The following ARID4B variants were observed in gnomAD, a reference collection of about 807,000 sequenced individuals.
The protein encoded by ARID4B is AT-rich interactive domain-containing protein 4B.
ARID4B carries 26 observed loss-of-function variants against 147.5 expected under a neutral mutation model. The observed-to-expected ratio is 0.18, with a 90% CI of 0.13 to 0.24. The LOEUF is 0.24. Ranked by LOEUF, ARID4B falls within the 10% of genes least tolerant of loss-of-function variation. The probability of loss-of-function intolerance (pLI) is 1.00; values close to 1 mark genes in which losing one functional copy is unlikely to be tolerated. For synonymous variants in ARID4B, 512 were observed against 507.9 expected (o/e 1.01, Z -0.11); for missense variants, 1,179 against 1,511.5 (o/e 0.78, Z 3.65).
chr1:235,327,133 G>A, intron 1 of ARID4B, 165 bp from the exon 2 acceptor site: 4 of 579,640 alleles, frequency 6.9e-6, no homozygotes, highest in South Asian at 4.0e-5. Flanking sequence ...CTCCGGCCCC[G>A]CCATCCCCGC....
rs2102904876 is a variant in ARID4B at position 235,175,175 on chromosome 1, G to A, written c.3664+9C>T. On this transcript the variant is annotated intron_variant, in intron 22 of 23. Coordinates refer to ENST00000264183, the MANE Select transcript of ARID4B (RefSeq NM_016374.6). ...GTTTGTATGCTTGTCAATTTAACAT[G>A]TCACTTACACATCTGAAAACTCCAT... 2 of 1,605,484 alleles carry A rather than the reference G, an allele frequency of 1.2e-6. No individual in the cohort carries two copies. The highest frequency in any genetic ancestry group is 4.5e-5 in the East Asian group (2 of 44,842).
At chr1:235,242,172 C>A (rs1159175535) in intron 7 of ARID4B, among the ~76,000 whole-genome samples, 1 of 151,232 alleles carries the variant, frequency 6.6e-6, no homozygotes, top group Non-Finnish European at 1.5e-5. Flanking sequence ...TGCCTGAACC[C>A]GGGAGGCGGA....
chr1:235,299,134 G>T (rs139173016), intron 2 of ARID4B, among the ~76,000 whole-genome samples: 2 of 152,170 alleles, frequency 1.3e-5, no homozygotes, highest in African/African-American at 2.4e-5. Context: ...ACTTTCTAGA[G>T]CCACCTTAAA....
At chr1:235,251,219 TAA>T (rs71172281) in intron 6 of ARID4B, among the ~76,000 whole-genome samples, 43,324 of 140,958 alleles carry the variant, frequency 0.31, 7,335 homozygotes, top group South Asian at 0.54. Flanking sequence ...TGAGAAAAGT[TAA>T]AAAAAAAAAA....
chr1:235,279,327 T>C (rs1276491154), intron 2 of ARID4B, among the ~76,000 whole-genome samples: 1 of 152,084 alleles, frequency 6.6e-6, no homozygotes, highest in Non-Finnish European at 1.5e-5. Context: ...CTGAACCACG[T>C]AGTATGAGGT....
Position 235,326,716 on chromosome 1 carries a change from GACA to G in ARID4B, c.6+195_6+197del, listed in dbSNP as rs550024832. 8.9e-4 allele frequency: 552 copies of G among 620,732 alleles called. 3 individuals carry two copies. The African/African-American group carries it at 9.4e-3, about 11-fold the overall frequency. 38.5% of individuals were successfully genotyped at this position (620,732 alleles called of 1,614,324 possible). A position where few individuals can be genotyped will look rare whatever the true frequency, so the allele number is the denominator to read the frequency against. Reference sequence around the variant, plus strand: ...ATATGGGAGAATCATCTTCAGTTGAGACATCCTATAACTGCCTCCAACTCCACA... The same window carrying G: ...ATATGGGAGAATCATCTTCAGTTGAGTCCTATAACTGCCTCCAACTCCACA... On this transcript the variant is annotated intron_variant, in intron 2 of 23. Coordinates refer to ENST00000264183, the MANE Select transcript of ARID4B (RefSeq NM_016374.6).
chr1:235,316,313 G>C (rs1674427339), intron 2 of ARID4B, among the ~76,000 whole-genome samples: 2 of 151,872 alleles, frequency 1.3e-5, no homozygotes, highest in Admixed American at 6.6e-5. Flanking sequence ...TTCGAGACCA[G>C]CCTGGCCAAC....
At position 235,326,906 on chromosome 1, in the gene ARID4B, A is replaced by G. The variant is rs1675314036; in HGVS notation, c.6+8T>C. On this transcript the variant is annotated splice_region_variant and intron_variant, in intron 2 of 23. Coordinates refer to ENST00000264183, the MANE Select transcript of ARID4B (RefSeq NM_016374.6). ...CCCCAGAGATTCGTTTTCCGCAGGC[A>G]ATCTTACCTTCATGATGACTCTGGG... 2 of 1,613,898 alleles carry G rather than the reference A, an allele frequency of 1.2e-6. No individual in the cohort carries two copies. Among genetic ancestry groups the G allele is most frequent in the East Asian group, 4.5e-5 (2 of 44,890 alleles).
chr1:235,316,234 G>A (rs1433551191), intron 2 of ARID4B, among the ~76,000 whole-genome samples: 2 of 152,166 alleles, frequency 1.3e-5, no homozygotes, highest in Non-Finnish European at 2.9e-5. Context: ...TAAGTGGGGT[G>A]CAGTGGCTCA....
chr1:235,171,086 TCACTA>T (rs1470803532), intron 23 of ARID4B, among the ~76,000 whole-genome samples: 3 of 152,202 alleles, frequency 2.0e-5, no homozygotes, highest in African/African-American at 4.8e-5. Context: ...CTTATATATT[TCACTA>T]CACTGTTCCT....
At chr1:235,264,500 C>T (rs371656980) in intron 2 of ARID4B, among the ~76,000 whole-genome samples, 139 of 152,244 alleles carry the variant, frequency 9.1e-4, no homozygotes, top group African/African-American at 3.2e-3. Flanking sequence ...AGCAGAGAGG[C>T]AAGGTCCTAA....
chr1:235,296,819 A>G (rs58753452), intron 2 of ARID4B, among the ~76,000 whole-genome samples: 10 of 1,004 alleles, frequency 1.0e-2, no homozygotes, highest in African/African-American at 0.027. Context: ...GGAAGGAAGG[A>G]AGGAAGGAAG....
chr1:235,325,183 T>G (rs2103319138), intron 2 of ARID4B, among the ~76,000 whole-genome samples: 1 of 152,286 alleles, frequency 6.6e-6, no homozygotes, highest in South Asian at 2.1e-4. Context: ...AAATTTATTT[T>G]AGTAACTTTT....
chr1:235,167,708 A>G lies in ARID4B; in HGVS notation c.*817T>C, dbSNP rs1356332811. ...AAGAAAACACAAAAATATAACTGTT[A>G]TAATTCATTATGAATAAATATACAC... On this transcript the variant is annotated 3_prime_UTR_variant, in exon 24 of 24. Coordinates refer to ENST00000264183, the MANE Select transcript of ARID4B (RefSeq NM_016374.6). The G allele has an allele frequency of 5.0e-6, 1 of 199,386 alleles. No individual in the cohort carries two copies. The highest frequency in any genetic ancestry group is 2.3e-5 in the African/African-American group (1 of 43,470). The allele number at this position is 199,386 out of a possible 1,614,324, so 12.4% of individuals were successfully genotyped here. A position where few individuals can be genotyped will look rare whatever the true frequency, so the allele number is the denominator to read the frequency against.
intron 2 of ARID4B, among the ~76,000 whole-genome samples, chr1:235,307,804 A>G (rs1673686334): frequency 6.6e-6 from 1 of 152,140 alleles, no homozygotes; most frequent in Non-Finnish European, 1.5e-5. Flanking sequence ...GCTTTGTACA[A>G]AGCCTCTAAT....
intron 2 of ARID4B, among the ~76,000 whole-genome samples, chr1:235,271,039 T>C (rs973548963): frequency 7.2e-5 from 11 of 152,032 alleles, no homozygotes; most frequent in Admixed American, 2.0e-4. Context: ...TGGAGAACAT[T>C]TAAAAGAGTT....
At chr1:235,244,961 T>G (rs1431265811) in intron 7 of ARID4B, among the ~76,000 whole-genome samples, 1 of 152,184 alleles carries the variant, frequency 6.6e-6, no homozygotes, top group East Asian at 1.9e-4. Flanking sequence ...CACCAAGGCT[T>G]AAAACGCCAA....
At chr1:235,279,669 A>T (rs1305766379) in intron 2 of ARID4B, among the ~76,000 whole-genome samples, 1 of 152,258 alleles carries the variant, frequency 6.6e-6, no homozygotes, top group Non-Finnish European at 1.5e-5. Flanking sequence ...CTTGGCTAAG[A>T]ACTCACAGGA....
Position 235,260,501 on chromosome 1 carries a change from A to C in ARID4B, c.117+141T>G, listed in dbSNP as rs1670227218. On this transcript the variant is annotated intron_variant, in intron 3 of 23. Transcript: ENST00000264183. ...AATTATAATACTTTTAAAATAACAA[A>C]AAATGCTTTGTTTTGAGGTATTTTT... is the stretch of plus-strand genomic sequence containing the variant. 7 of 554,050 alleles carry C rather than the reference A, an allele frequency of 1.3e-5. No homozygotes were observed. The Admixed American group carries it at 1.9e-4, about 15-fold the overall frequency. 34.3% of individuals were successfully genotyped at this position (554,050 alleles called of 1,614,324 possible). A position where few individuals can be genotyped will look rare whatever the true frequency, so the allele number is the denominator to read the frequency against.
Sources: allele counts gnomAD v4.1 joint callset (sites outside exome capture counted in the v4.1 genomes callset), GRCh38; gene constraint gnomAD v4.1.1; transcripts MANE v1.5; gene names NCBI Gene and HGNC (gene_info 2026-07-23, HGNC 2026-07-21).